The following RBFOX1 variants were observed in gnomAD, a reference collection of about 807,000 sequenced individuals.
RBFOX1 encodes the protein RNA binding fox-1 homolog 1.
A neutral mutation model predicts 57.7 loss-of-function variants in RBFOX1; 8 were observed. The observed-to-expected ratio is 0.14, with a 90% CI of 0.08 to 0.25. The LOEUF is 0.25. Among genes scored for constraint, RBFOX1 ranks in the 10% least tolerant of loss-of-function variants. The pLI is 1.00. For synonymous variants in RBFOX1, 326 were observed against 222.4 expected (o/e 1.47, Z -4.15); for missense variants, 611 against 548.5 (o/e 1.11, Z -1.14).
intron 13 of RBFOX1, among the ~76,000 whole-genome samples, chr16:7,674,232 C>G (rs1015084316): frequency 6.6e-6 from 1 of 151,996 alleles, no homozygotes; most frequent in African/African-American, 2.4e-5. Context: ...TCCCTTTTTC[C>G]CTAATTATTA....
intron 2 of RBFOX1, among the ~76,000 whole-genome samples, chr16:6,626,051 G>C (rs73540197): frequency 6.6e-6 from 1 of 151,710 alleles, no homozygotes; most frequent in Non-Finnish European, 1.5e-5. Context: ...TTTAGTTGCC[G>C]ATTATAGTGT....
At chr16:7,509,673 T>C (rs1042701259) in intron 4 of RBFOX1, among the ~76,000 whole-genome samples, 1 of 152,210 alleles carries the variant, frequency 6.6e-6, no homozygotes, top group African/African-American at 2.4e-5. Flanking sequence ...CACACAGCTT[T>C]ATTACAAATT....
At chr16:7,410,780 C>A (rs774017171) in intron 4 of RBFOX1, among the ~76,000 whole-genome samples, 1 of 152,072 alleles carries the variant, frequency 6.6e-6, no homozygotes, top group Non-Finnish European at 1.5e-5. Context: ...GCTCCTAATT[C>A]CCACAGAGGG....
chr16:5,990,863 A>C (rs1382899390), intron 4 of RBFOX1, among the ~76,000 whole-genome samples: 1 of 151,986 alleles, frequency 6.6e-6, no homozygotes, highest in Non-Finnish European at 1.5e-5. Context: ...AGTCCCATCT[A>C]CTCGGGAGGC....
Position 5,399,500 on chromosome 16 carries a change from A to G in RBFOX1, c.220-67716A>G, listed in dbSNP as rs535696294. On this transcript the variant is annotated intron_variant, in intron 1 of 2. Coordinates refer to the RBFOX1 transcript ENST00000585867. ...ATGAACACCATTAACATTTTGGTGA[A>G]TGGGTTCCTTATTTTTTCTCTTTTA... 2.0e-5 allele frequency among the ~76,000 whole-genome samples: 3 copies of G among 152,282 alleles called. No homozygotes were observed. In the South Asian group the frequency reaches 6.2e-4, roughly 32 times the overall value.
At chr16:5,758,314 C>G (rs767850396) in intron 3 of RBFOX1, among the ~76,000 whole-genome samples, 15 of 152,190 alleles carry the variant, frequency 9.9e-5, no homozygotes, top group Admixed American at 2.0e-4. Flanking sequence ...AGTTACCTCT[C>G]GGCTCTATTA....
At chr16:7,617,908 G>A (rs1377530170) in intron 10 of RBFOX1, among the ~76,000 whole-genome samples, 2 of 152,156 alleles carry the variant, frequency 1.3e-5, no homozygotes, top group Non-Finnish European at 2.9e-5. Flanking sequence ...CACCTGGTAA[G>A]AAAGTGGGTA....
chr16:7,572,296 G>C (rs3785239), intron 5 of RBFOX1, among the ~76,000 whole-genome samples: 59,326 of 151,990 alleles, frequency 0.39, 11,961 homozygotes, highest in South Asian at 0.53. Flanking sequence ...GAGATCCAGA[G>C]ACATGAAGTG....
intron 4 of RBFOX1, among the ~76,000 whole-genome samples, chr16:5,923,053 G>C (rs1025306461): frequency 6.6e-6 from 1 of 152,132 alleles, no homozygotes; most frequent in Non-Finnish European, 1.5e-5. Context: ...CAAGGCCTTG[G>C]ATGGTTTTCA....
intron 1 of RBFOX1, among the ~76,000 whole-genome samples, chr16:6,256,439 G>C (rs1490355139): frequency 6.6e-6 from 1 of 151,132 alleles, no homozygotes; most frequent in Admixed American, 6.7e-5. Context: ...TTCGAGAGCA[G>C]AGTTCATCCT....
chr16:6,844,253 T>C (rs146116945), intron 3 of RBFOX1, among the ~76,000 whole-genome samples: 111 of 152,264 alleles, frequency 7.3e-4, no homozygotes, highest in African/African-American at 2.6e-3. Flanking sequence ...ATTTGTTACA[T>C]AGGTAAATAG....
At chr16:6,555,942 C>T (rs1251968521) in intron 2 of RBFOX1, among the ~76,000 whole-genome samples, 1 of 152,042 alleles carries the variant, frequency 6.6e-6, no homozygotes, top group African/African-American at 2.4e-5. Flanking sequence ...ATAGGAGGAT[C>T]GACTCTATTC....
At chr16:5,597,759 C>T (rs1021746260) in intron 2 of RBFOX1, among the ~76,000 whole-genome samples, 2 of 152,054 alleles carry the variant, frequency 1.3e-5, no homozygotes, top group Non-Finnish European at 2.9e-5. Context: ...TTAACATGCT[C>T]CTGCGCTGTA....
At chr16:6,558,305 C>A (rs893517030) in intron 2 of RBFOX1, among the ~76,000 whole-genome samples, 3 of 152,078 alleles carry the variant, frequency 2.0e-5, no homozygotes, top group Admixed American at 6.6e-5. Context: ...AAGAAAGAGG[C>A]CTTACAGAGC....
chr16:6,868,353 A>G (rs745961287), intron 3 of RBFOX1, among the ~76,000 whole-genome samples: 7 of 152,204 alleles, frequency 4.6e-5, no homozygotes, highest in South Asian at 2.1e-4. Flanking sequence ...ATAAGTGTCT[A>G]TAAAGGGATT....
chr16:6,687,718 G>A (rs184797318), intron 3 of RBFOX1, among the ~76,000 whole-genome samples: 7 of 152,254 alleles, frequency 4.6e-5, no homozygotes, highest in Non-Finnish European at 8.8e-5. Flanking sequence ...AGCGGCCGGG[G>A]AGGACAGAGG....
intron 1 of RBFOX1, among the ~76,000 whole-genome samples, chr16:6,231,213 T>C (rs1181544419): frequency 2.0e-5 from 2 of 102,142 alleles, no homozygotes; most frequent in Non-Finnish European, 4.4e-5. Flanking sequence ...TGTGTGTATG[T>C]GTTTGTGTGT....
At chr16:7,052,153 A>G in intron 4 of RBFOX1, 55 bp downstream of exon 4, 1 of 1,573,594 alleles carries the variant, frequency 6.4e-7, no homozygotes. Context: ...TGTGATAAGC[A>G]AAAATTTCCT....
chr16:6,644,907 C>G (rs960338149), intron 2 of RBFOX1, among the ~76,000 whole-genome samples: 4 of 152,138 alleles, frequency 2.6e-5, no homozygotes, highest in Admixed American at 2.0e-4. Flanking sequence ...CAAAGAGCTC[C>G]TTGATCCTCT....
Sources: allele counts gnomAD v4.1 joint callset (sites outside exome capture counted in the v4.1 genomes callset), GRCh38; gene constraint gnomAD v4.1.1; transcripts MANE v1.5; gene names NCBI Gene and HGNC (gene_info 2026-07-23, HGNC 2026-07-21).